FUT8: variants seen among roughly 807,000 people sequenced by gnomAD.
FUT8 encodes alpha-(1,6)-fucosyltransferase.
A neutral mutation model predicts 71.3 loss-of-function variants in FUT8; 29 were observed. The observed-to-expected ratio is 0.41, with a 90% CI of 0.30 to 0.55. The LOEUF is 0.55. Among genes scored for constraint, FUT8 ranks in the 20% least tolerant of loss-of-function variants. The pLI is 0.34. For missense variants in FUT8, 544 were observed against 702.1 expected (o/e 0.77, Z 2.55); for synonymous variants, 254 against 239.3 (o/e 1.06, Z -0.57).
At chr14:65,358,652 G>A in the FUT8 span, among the ~76,000 whole-genome samples, 5 of 152,076 alleles carry the variant, frequency 3.3e-5, no homozygotes, top group African/African-American at 9.7e-5. Flanking sequence ...GTTTCTCCGT[G>A]TCGTCCAGGC....
At chr14:65,555,838 G>A (rs1054143029) in intron 2 of FUT8, among the ~76,000 whole-genome samples, 1 of 152,132 alleles carries the variant, frequency 6.6e-6, no homozygotes, top group African/African-American at 2.4e-5. Flanking sequence ...ACTCTGTTTA[G>A]CAGCTATTAA....
chr14:65,482,005 G>A (rs1278913452), intron 2 of FUT8, among the ~76,000 whole-genome samples: 4 of 152,042 alleles, frequency 2.6e-5, no homozygotes, highest in Admixed American at 2.6e-4. Flanking sequence ...CATATGGATT[G>A]TGTTTATCTA....
intron 2 of FUT8, among the ~76,000 whole-genome samples, chr14:65,516,637 T>C (rs1882726628): frequency 1.3e-5 from 2 of 152,170 alleles, no homozygotes; most frequent in South Asian, 4.1e-4. Context: ...TGTTAACTAC[T>C]AGAAGTCTAT....
chr14:65,737,062 C>T (rs1000262009), intron 10 of FUT8, among the ~76,000 whole-genome samples: 5 of 152,068 alleles, frequency 3.3e-5, no homozygotes, highest in Admixed American at 3.3e-4. Flanking sequence ...TGGAAAACTG[C>T]AGGCAAAAAT....
chr14:65,740,550 G>T (rs1311793994), intron 10 of FUT8, among the ~76,000 whole-genome samples: 2 of 151,986 alleles, frequency 1.3e-5, no homozygotes, highest in African/African-American at 4.8e-5. Flanking sequence ...AGGTTTAACT[G>T]GCTCATGGTT....
At chr14:65,728,159 C>T (rs911172118) in intron 9 of FUT8, among the ~76,000 whole-genome samples, 3 of 152,204 alleles carry the variant, frequency 2.0e-5, no homozygotes, top group Non-Finnish European at 2.9e-5. Context: ...CCAAACTGTT[C>T]CACCCTCTGC....
At chr14:65,507,700 T>C (rs1036657662) in intron 2 of FUT8, among the ~76,000 whole-genome samples, 1 of 152,258 alleles carries the variant, frequency 6.6e-6, no homozygotes, top group East Asian at 1.9e-4. Context: ...TTCATTCGTC[T>C]GCTAATGGAC....
intron 3 of FUT8, among the ~76,000 whole-genome samples, chr14:65,563,044 G>A (rs1006718650): frequency 2.0e-5 from 3 of 151,884 alleles, no homozygotes; most frequent in Admixed American, 1.3e-4. Context: ...ACAATGCTAC[G>A]TGTTAAGACA....
rs77142611 is a variant in FUT8, at chr14:65,472,540, T to C, written c.-228+16822T>C. ...TGTTTTCTATGTTGATGGCCAAAGGTTTATTTTTATATTCTTATACTGTAA... is the reference window on the plus strand; with the variant it reads ...TGTTTTCTATGTTGATGGCCAAAGGCTTATTTTTATATTCTTATACTGTAA... On this transcript the variant is annotated intron_variant, in intron 2 of 10. Transcript: ENST00000673929. The surrounding 1 kb of genome is among the most constrained non-coding windows in gnomAD (Gnocchi z 4.4). 0.015 allele frequency among the ~76,000 whole-genome samples: 2,275 copies of C among 152,228 alleles called. 19 individuals are homozygous for C. Among genetic ancestry groups the C allele is most frequent in the South Asian group, 0.024 (116 of 4,822 alleles).
At chr14:65,518,207 A>T (rs1322527583) in intron 2 of FUT8, among the ~76,000 whole-genome samples, 1 of 152,222 alleles carries the variant, frequency 6.6e-6, no homozygotes, top group Non-Finnish European at 1.5e-5. Context: ...ACTGAGTTAG[A>T]CCAAAGGAAA....
chr14:65,712,606 G>A (rs1484121074), intron 7 of FUT8, among the ~76,000 whole-genome samples: 4 of 151,980 alleles, frequency 2.6e-5, no homozygotes, highest in Admixed American at 6.6e-5. Context: ...CACCACACCC[G>A]GCTAATTTTT....
intron 2 of FUT8, among the ~76,000 whole-genome samples, chr14:65,548,443 T>C (rs528904242): frequency 2.6e-5 from 4 of 152,116 alleles, no homozygotes; most frequent in Non-Finnish European, 5.9e-5. Context: ...TCCTTTGTTT[T>C]CTATGTATCA....
At chr14:65,412,420 G>C (rs1482653566), upstream of FUT8, 3 of 436,486 alleles carry the variant, frequency 6.9e-6, no homozygotes, top group Non-Finnish European at 1.4e-5. Flanking sequence ...CTGGAGGCGA[G>C]TCTCCTCCCG....
intron 9 of FUT8, among the ~76,000 whole-genome samples, chr14:65,726,076 A>C (rs1594941334): frequency 6.6e-6 from 1 of 152,250 alleles, no homozygotes; most frequent in Non-Finnish European, 1.5e-5. Flanking sequence ...TCATCAGCCA[A>C]GTATAAGAAT....
At chr14:65,732,034 T>C (rs1379999227) in intron 9 of FUT8, among the ~76,000 whole-genome samples, 1 of 152,262 alleles carries the variant, frequency 6.6e-6, no homozygotes, top group Non-Finnish European at 1.5e-5. Context: ...TGCCTGGGTA[T>C]GCAGCTTCCC....
At chr14:65,564,929 CT>C (rs1886108350) in intron 3 of FUT8, among the ~76,000 whole-genome samples, 2 of 152,012 alleles carry the variant, frequency 1.3e-5, no homozygotes, top group Non-Finnish European at 2.9e-5. Flanking sequence ...ATTGATGTGT[CT>C]TAGCCCATTT....
chr14:65,487,551 T>G lies in FUT8; in HGVS notation c.-228+31833T>G, dbSNP rs2066426241. ...GCACACTCCAGCATGAGCAGCAGAG[T>G]GAGACTCCGTCTCAAAAAAAAAAAA... On this transcript the variant is annotated intron_variant, in intron 2 of 10. Transcript: ENST00000673929. Among the ~76,000 whole-genome samples the G allele has an allele frequency of 2.3e-5, 3 of 132,002 alleles. No individual in the cohort carries two copies. The South Asian group carries it at 7.5e-4, about 33-fold the overall frequency. 86.6% of individuals were successfully genotyped at this position (132,002 alleles called of 152,430 possible).
chr14:65,612,652 A>G (rs766944960), intron 3 of FUT8, among the ~76,000 whole-genome samples: 1 of 152,156 alleles, frequency 6.6e-6, no homozygotes, highest in Non-Finnish European at 1.5e-5. Flanking sequence ...CAGTGAATGT[A>G]CTGGCTCCAT....
chr14:65,693,334 G>A lies in FUT8; in HGVS notation c.835+23854G>A, dbSNP rs528468578. Among the ~76,000 whole-genome samples, 1,231 of 152,312 alleles carry A rather than the reference G, an allele frequency of 8.1e-3. 37 individuals carry two copies. Among genetic ancestry groups the A allele is most frequent in the Admixed American group, 0.051 (777 of 15,300 alleles). ...AGCCCAGCCAACACAGCGAAACCCC[G>A]TCTCCACCAAAAAAATACGAAAACC... is the stretch of plus-strand genomic sequence containing the variant. On this transcript the variant is annotated intron_variant, in intron 7 of 10. Coordinates refer to ENST00000673929, the MANE Select transcript of FUT8 (RefSeq NM_001371533.1).
Sources: gnomAD v4.1 joint callset for allele counts (sites outside exome capture counted in the v4.1 genomes callset) on GRCh38, gnomAD v4.1.1 for gene constraint, Gnocchi (gnomAD v3.1) non-coding constraint, MANE v1.5 for transcripts, NCBI Gene and HGNC (gene_info 2026-07-23, HGNC 2026-07-21) for gene names.